The following UGT1A10 variants were observed in gnomAD, a reference collection of about 807,000 sequenced individuals.
The protein encoded by UGT1A10 is UDP-glucuronosyltransferase 1A10.
In UGT1A10, 49 loss-of-function variants were observed where a neutral mutation model predicts 45.8. That is an observed-to-expected ratio of 1.07 (90% confidence interval 0.85 to 1.36). The LOEUF (loss-of-function observed/expected upper bound fraction) is 1.36. Ranked by LOEUF, UGT1A10 falls within the 40% of genes most tolerant of loss-of-function variation. The pLI, the probability that UGT1A10 is intolerant of heterozygous loss-of-function variation, is 0.00. For missense variants in UGT1A10, 745 were observed against 668.6 expected (o/e 1.11, Z -1.26); for synonymous variants, 284 against 249.7 (o/e 1.14, Z -1.29).
chr2:233,729,115 T>G (rs376445258), intron 1 of UGT1A10: 49 of 1,612,840 alleles, frequency 3.0e-5, no homozygotes, highest in Non-Finnish European at 3.5e-5. Context: ...GCTGTCCGTG[T>G]CTTCTGCTGA....
intron 1 of UGT1A10, among the ~76,000 whole-genome samples, chr2:233,669,571 A>C (rs2074140200): frequency 6.6e-6 from 1 of 152,102 alleles, no homozygotes; most frequent in African/African-American, 2.4e-5. Flanking sequence ...TGCTGTTTTC[A>C]TTCCAATTTT....
intron 1 of UGT1A10, chr2:233,747,140 A>C: frequency 1.3e-6 from 2 of 1,552,466 alleles, no homozygotes; most frequent in East Asian, 2.3e-5. Flanking sequence ...GTGACAAGGT[A>C]ATTAAGATGA....
At chr2:233,666,066 G>A (rs1016949006) in intron 1 of UGT1A10, among the ~76,000 whole-genome samples, 1 of 152,206 alleles carries the variant, frequency 6.6e-6, no homozygotes, top group African/African-American at 2.4e-5. Flanking sequence ...ACCAGCATCC[G>A]CATCTGGCGA....
At chr2:233,749,031 C>A (rs1694088347) in intron 1 of UGT1A10, among the ~76,000 whole-genome samples, 1 of 151,676 alleles carries the variant, frequency 6.6e-6, no homozygotes, top group African/African-American at 2.4e-5. Context: ...ATTTGGGGTT[C>A]ATTGATGTGG....
chr2:233,652,384 A>G (rs1373692136), intron 1 of UGT1A10, among the ~76,000 whole-genome samples: 1 of 152,222 alleles, frequency 6.6e-6, no homozygotes, highest in Non-Finnish European at 1.5e-5. Context: ...TGATTCATGT[A>G]TCTGCTCTTT....
chr2:233,692,066 G>A (rs1433912228), intron 1 of UGT1A10: 1 of 152,176 alleles, frequency 6.6e-6, no homozygotes, highest in South Asian at 2.1e-4. Flanking sequence ...AGGGAAGAAA[G>A]GAGAGAGAGA....
At chr2:233,761,619 G>A (rs34165552) in intron 1 of UGT1A10, among the ~76,000 whole-genome samples, 1 of 152,358 alleles carries the variant, frequency 6.6e-6, no homozygotes, top group Non-Finnish European at 1.5e-5. Context: ...ATTCTGATAA[G>A]AAGCTAAATC....
At chr2:233,755,984 T>G (rs1407833080) in intron 1 of UGT1A10, 1 of 152,244 alleles carries the variant, frequency 6.6e-6, no homozygotes, top group African/African-American at 2.4e-5. Flanking sequence ...TGGATTCTCA[T>G]GTCAGCTTCT....
intron 1 of UGT1A10, among the ~76,000 whole-genome samples, chr2:233,700,438 A>G (rs1275307024): frequency 2.0e-5 from 3 of 152,248 alleles, no homozygotes; most frequent in Admixed American, 6.5e-5. Flanking sequence ...TCTAAAGAGT[A>G]GCTGAATGCT....
At chr2:233,651,941 T>A (rs1333479847) in intron 1 of UGT1A10, among the ~76,000 whole-genome samples, 1 of 152,118 alleles carries the variant, frequency 6.6e-6, no homozygotes, top group African/African-American at 2.4e-5. Flanking sequence ...TTAAATACTT[T>A]AACCAAGATA....
chr2:233,763,903 G>A lies in UGT1A10; in HGVS notation c.856-3131G>A, dbSNP rs779915264. The stretch of plus-strand genomic sequence containing the variant: ...AGAAAAATAACTAAACAGAAGATTA[G>A]TGAGGACCAAGGCTTCGAGATGGCC... On this transcript the variant is annotated intron_variant, in intron 1 of 4. Coordinates refer to ENST00000344644, the MANE Select transcript of UGT1A10 (RefSeq NM_019075.4). 3.3e-5 allele frequency among the ~76,000 whole-genome samples: 5 copies of A among 152,300 alleles called. No individual in the cohort carries two copies. In the South Asian group the frequency reaches 1.0e-3, roughly 32 times the overall value.
chr2:233,755,826 A>T (rs1696033574), intron 1 of UGT1A10: 1 of 152,260 alleles, frequency 6.6e-6, no homozygotes, highest in Admixed American at 6.5e-5. Context: ...AAAAAGACAT[A>T]TTCATTGGGC....
In UGT1A10 at chr2:233,637,476, A is replaced by G. The variant is rs930441288; in HGVS notation, c.855+99A>G. 3.3e-6 allele frequency: 5 copies of G among 1,498,352 alleles called. No individual in the cohort carries two copies. The African/African-American group carries it at 5.6e-5, about 17-fold the overall frequency. 92.8% of individuals were successfully genotyped at this position (1,498,352 alleles called of 1,614,324 possible). On this transcript the variant is annotated intron_variant, in intron 1 of 4. Coordinates refer to ENST00000344644, the MANE Select transcript of UGT1A10 (RefSeq NM_019075.4). Reference sequence around the variant, plus strand: ...GTGATTTGACATTTTCGTTTGTTGCATTTCAAATTTCTTTCCAGTTTAACA... The same window carrying G: ...GTGATTTGACATTTTCGTTTGTTGCGTTTCAAATTTCTTTCCAGTTTAACA...
intron 1 of UGT1A10, among the ~76,000 whole-genome samples, chr2:233,640,825 A>G (rs556133341): frequency 6.6e-6 from 1 of 152,274 alleles, no homozygotes; most frequent in East Asian, 1.9e-4. Context: ...CTCACATGCC[A>G]AAGATTTGTC....
At chr2:233,717,386 C>T (rs759361216) in intron 1 of UGT1A10, among the ~76,000 whole-genome samples, 3 of 152,252 alleles carry the variant, frequency 2.0e-5, no homozygotes, top group African/African-American at 7.2e-5. Context: ...GACCTGCCCT[C>T]TCTGTGCCAT....
intron 1 of UGT1A10, among the ~76,000 whole-genome samples, chr2:233,640,873 T>C (rs1359098144): frequency 6.6e-6 from 1 of 152,060 alleles, no homozygotes; most frequent in African/African-American, 2.4e-5. Context: ...GGAGCCCTAA[T>C]TAGGGAAAAA....
In UGT1A10 at chr2:233,769,855, CT is replaced by C; in HGVS notation, c.1295+1417del. 1 of 372,068 alleles carries C rather than the reference CT, an allele frequency of 2.7e-6. No individual in the cohort carries two copies. Among genetic ancestry groups the C allele is most frequent in the Non-Finnish European group, 4.4e-6 (1 of 226,688 alleles). The allele number at this position is 372,068 out of a possible 1,614,324, so 23.0% of individuals were successfully genotyped here. A position where few individuals can be genotyped will look rare whatever the true frequency, so the allele number is the denominator to read the frequency against. On this transcript the variant is annotated intron_variant, in intron 4 of 4. Coordinates refer to ENST00000344644, the MANE Select transcript of UGT1A10 (RefSeq NM_019075.4). This position sits in a 1 kb window ranked among gnomAD's most constrained non-coding sequence, Gnocchi z 4.4. ...CCTGGGCAACAGAGTGAGACCCTGT[CT>C]CAAAAAAAAAAAAAAAAATGAAAAG... is the stretch of plus-strand genomic sequence containing the variant.
chr2:233,723,417 T>A (rs2077082381), intron 1 of UGT1A10, among the ~76,000 whole-genome samples: 1 of 134,694 alleles, frequency 7.4e-6, no homozygotes, highest in Non-Finnish European at 1.6e-5. Context: ...ACCATACTGG[T>A]CAGGCTGGTC....
intron 2 of UGT1A10, 113 bp downstream of exon 2, chr2:233,767,278 T>A: frequency 6.3e-7 from 1 of 1,578,298 alleles, no homozygotes; most frequent in Non-Finnish European, 8.5e-7. Flanking sequence ...GGCTTTTCCC[T>A]GCCACTTCCC....
Sources: allele counts gnomAD v4.1 joint callset (sites outside exome capture counted in the v4.1 genomes callset), GRCh38; gene constraint gnomAD v4.1.1; non-coding constraint Gnocchi (gnomAD v3.1); transcripts MANE v1.5; gene names NCBI Gene and HGNC (gene_info 2026-07-23, HGNC 2026-07-21).